The following ZNF236 variants were observed in gnomAD, a reference collection of about 807,000 sequenced individuals.
The protein encoded by ZNF236 is regulated by glucose.
A neutral mutation model predicts 191.2 loss-of-function variants in ZNF236; 50 were observed. The observed-to-expected ratio is 0.26, with a 90% CI of 0.21 to 0.33. ZNF236 has a LOEUF of 0.33. Among genes scored for constraint, ZNF236 ranks in the 10% least tolerant of loss-of-function variants. The probability of loss-of-function intolerance (pLI) is 1.00; values close to 1 mark genes in which losing one functional copy is unlikely to be tolerated. For missense variants in ZNF236, 1,754 were observed against 2,374.5 expected (o/e 0.74, Z 5.43); for synonymous variants, 907 against 928.8 (o/e 0.98, Z 0.43).
In ZNF236 at chr18:76,906,536, C is replaced by T. The variant is rs1362222557; in HGVS notation, c.2297+1121C>T. ...CGTGCTAAGAAGAATGGAGCTTGGG[C>T]GCTTGCTTGCTCAGTGGAATGTTAA... is the stretch of plus-strand genomic sequence containing the variant. On this transcript the variant is annotated intron_variant, in intron 13 of 30. Coordinates refer to ENST00000320610, the MANE Select transcript of ZNF236 (RefSeq NM_001306089.2). 9.2e-5 allele frequency among the ~76,000 whole-genome samples: 14 copies of T among 152,228 alleles called. No individual in the cohort carries two copies. The South Asian group carries it at 1.2e-3, about 14-fold the overall frequency.
intron 25 of ZNF236, among the ~76,000 whole-genome samples, chr18:76,928,969 G>A (rs1967780812): frequency 6.7e-6 from 1 of 149,934 alleles, no homozygotes. Flanking sequence ...AAGACATTTT[G>A]CTAGGAATCA....
intron 9 of ZNF236, among the ~76,000 whole-genome samples, chr18:76,891,028 G>A (rs940573226): frequency 1.3e-5 from 2 of 152,102 alleles, no homozygotes; most frequent in Non-Finnish European, 2.9e-5. Flanking sequence ...TAAGATTATA[G>A]TGTATAATAC....
intron 4 of ZNF236, among the ~76,000 whole-genome samples, chr18:76,871,171 G>C (rs1193349589): frequency 1.3e-5 from 2 of 152,202 alleles, no homozygotes; most frequent in African/African-American, 4.8e-5. Flanking sequence ...TTCGTGTCTT[G>C]ACATGGAAAG....
intron 30 of ZNF236, among the ~76,000 whole-genome samples, chr18:76,962,945 A>G (rs1420872563): frequency 2.6e-5 from 4 of 152,134 alleles, no homozygotes; most frequent in African/African-American, 9.7e-5. Context: ...GAAACTGCTG[A>G]ATTCTTTCAT....
At chr18:76,947,114 T>C (rs1310050441) in intron 26 of ZNF236, among the ~76,000 whole-genome samples, 3 of 152,160 alleles carry the variant, frequency 2.0e-5, no homozygotes, top group African/African-American at 7.2e-5. Context: ...CCGTTCTGGG[T>C]ATTTCATAGA....
intron 9 of ZNF236, among the ~76,000 whole-genome samples, chr18:76,889,792 G>A (rs1250972038): frequency 6.6e-6 from 1 of 152,162 alleles, no homozygotes; most frequent in Admixed American, 6.5e-5. Context: ...GGGGTCTTCT[G>A]CCACCCCTCC....
At chr18:76,918,510 G>T (rs560029841) in intron 19 of ZNF236, among the ~76,000 whole-genome samples, 22 of 152,148 alleles carry the variant, frequency 1.4e-4, no homozygotes, top group Non-Finnish European at 2.9e-4. Context: ...CTGCAGCCTT[G>T]AACTCCTGGG....
intron 25 of ZNF236, among the ~76,000 whole-genome samples, chr18:76,928,681 A>G (rs1182882342): frequency 1.3e-5 from 2 of 152,150 alleles, no homozygotes; most frequent in African/African-American, 4.8e-5. Flanking sequence ...TGCTGCTCGC[A>G]TTCTGACTTT....
intron 25 of ZNF236, among the ~76,000 whole-genome samples, chr18:76,933,507 T>C (rs1967913701): frequency 6.6e-6 from 1 of 151,266 alleles, no homozygotes; most frequent in African/African-American, 2.4e-5. Context: ...TCAGTCTCTC[T>C]CTCTCACTCT....
rs141562720 is a variant in ZNF236 at position 76,920,889 on chromosome 18, C to T, written c.3557+831C>T. Among the ~76,000 whole-genome samples, 241 of 152,304 alleles carry T rather than the reference C, an allele frequency of 1.6e-3. 2 individuals are homozygous for T. Among genetic ancestry groups the T allele is most frequent in the African/African-American group, 5.5e-3 (229 of 41,574 alleles). ...GGGGCTCTCAGAATGTCCTTCCTTT[C>T]TGGAGAAAGGAAGACCAAAGTATCA... On this transcript the variant is annotated intron_variant, in intron 20 of 30. Transcript: ENST00000320610.
chr18:76,914,120 A>C (rs1967292549), intron 18 of ZNF236, among the ~76,000 whole-genome samples: 1 of 152,152 alleles, frequency 6.6e-6, no homozygotes. Context: ...ATTTCCCCTC[A>C]ATGCCCAGAA....
intron 1 of ZNF236, among the ~76,000 whole-genome samples, chr18:76,833,217 C>A (rs1975223452): frequency 6.6e-6 from 1 of 152,026 alleles, no homozygotes; most frequent in Non-Finnish European, 1.5e-5. Context: ...GCTCATTGTA[C>A]TGGCTAGGAT....
chr18:76,956,969 G>T (rs928492143), intron 28 of ZNF236, among the ~76,000 whole-genome samples: 17 of 152,224 alleles, frequency 1.1e-4, no homozygotes, highest in African/African-American at 1.7e-4. Flanking sequence ...TGGGATGAAA[G>T]TGGCACTTTT....
At chr18:76,873,697 C>A (rs1025980062) in intron 5 of ZNF236, among the ~76,000 whole-genome samples, 3 of 152,324 alleles carry the variant, frequency 2.0e-5, no homozygotes, top group East Asian at 1.9e-4. Flanking sequence ...CCAAAGGAGG[C>A]TGAGTACATT....
At chr18:76,862,322 G>C (rs942113243) in intron 3 of ZNF236, among the ~76,000 whole-genome samples, 2 of 152,108 alleles carry the variant, frequency 1.3e-5, no homozygotes, top group African/African-American at 4.8e-5. Context: ...TCTTTTTATG[G>C]TATTTACTCA....
intron 26 of ZNF236, among the ~76,000 whole-genome samples, chr18:76,943,947 G>A (rs906954081): frequency 6.6e-6 from 1 of 152,230 alleles, no homozygotes; most frequent in Non-Finnish European, 1.5e-5. Flanking sequence ...TAATGAAATT[G>A]TACATGTGAG....
At chr18:76,965,919 A>G (rs1197966490) in intron 30 of ZNF236, among the ~76,000 whole-genome samples, 1 of 152,202 alleles carries the variant, frequency 6.6e-6, no homozygotes, top group Non-Finnish European at 1.5e-5. Flanking sequence ...ATAGGGAGGA[A>G]CAGGTGGTGG....
In ZNF236 at chr18:76,927,998, A is replaced by C. The variant is rs1599402920; in HGVS notation, c.4486A>C (p.Thr1496Pro). Residue 1496 changes from threonine (T) to proline (P), a missense_variant, in exon 25 of 31, where the codon ACC (threonine) becomes CCC (proline). Coordinates refer to ENST00000320610, the MANE Select transcript of ZNF236 (RefSeq NM_001306089.2). This position sits in a 1 kb window ranked among gnomAD's most constrained non-coding sequence, Gnocchi z 5.4. Reference protein sequence around the residue: ...VSPSGGPHEITLTINNSSLSQ... With the variant: ...VSPSGGPHEIPLTINNSSLSQ... Reference sequence around the variant, plus strand: ...CCCCTCCGGCGGTCCCCACGAGATCACCCTGACCATTAACAACTCCAGCCT... The same window carrying C: ...CCCCTCCGGCGGTCCCCACGAGATCCCCCTGACCATTAACAACTCCAGCCT... The C allele has an allele frequency of 6.2e-7, 1 of 1,613,860 alleles. No homozygotes were observed. Among genetic ancestry groups the C allele is most frequent in the Non-Finnish European group, 8.5e-7 (1 of 1,179,912 alleles).
chr18:76,858,691 T>G (rs1018255172), intron 3 of ZNF236, among the ~76,000 whole-genome samples: 1 of 108,452 alleles, frequency 9.2e-6, no homozygotes, highest in African/African-American at 3.6e-5. Context: ...CGGGTGCAGG[T>G]GGAGGAGGAA....
Sources: allele counts gnomAD v4.1 joint callset (sites outside exome capture counted in the v4.1 genomes callset), GRCh38; gene constraint gnomAD v4.1.1; non-coding constraint Gnocchi (gnomAD v3.1); transcripts MANE v1.5; gene names NCBI Gene and HGNC (gene_info 2026-07-23, HGNC 2026-07-21).